Variants in OXTR observed in about 807,000 individuals in gnomAD.
The protein encoded by OXTR is oxytocin receptor.
In OXTR, 19 loss-of-function variants were observed where a neutral mutation model predicts 23.9. The observed-to-expected ratio is 0.80, with a 90% confidence interval of 0.56 to 1.17. The LOEUF (loss-of-function observed/expected upper bound fraction) is 1.17. Among genes scored for constraint, OXTR ranks in the 50% most tolerant of loss-of-function variants. The probability of loss-of-function intolerance (pLI) is 0.00; values close to 1 mark genes in which losing one functional copy is unlikely to be tolerated. For missense variants in OXTR, 500 were observed against 550.7 expected (o/e 0.91, Z 0.92); for synonymous variants, 278 against 250.5 (o/e 1.11, Z -1.04).
intron 3 of OXTR, among the ~76,000 whole-genome samples, chr3:8,761,165 G>A (rs11131149): frequency 0.44 from 67,167 of 152,102 alleles, 15,852 homozygotes; most frequent in African/African-American, 0.6. Context: ...AAAAAATCGT[G>A]CTCTAAACCA....
At chr3:8,764,495 G>A (rs939201967) in intron 3 of OXTR, among the ~76,000 whole-genome samples, 1 of 152,236 alleles carries the variant, frequency 6.6e-6, no homozygotes, top group Non-Finnish European at 1.5e-5. Context: ...CTCTTGAGTA[G>A]CTCAAGTGTG....
At position 8,752,736 on chromosome 3, in the gene OXTR, C is replaced by T. The variant is rs147212417; in HGVS notation, c.*241G>A. The stretch of plus-strand genomic sequence containing the variant: ...AAAACAAGCCACTCACTGCCCAGGG[C>T]AGCAGTGGGTTCAGGGTGGTAGAAG... On this transcript the variant is annotated 3_prime_UTR_variant, in exon 4 of 4. Coordinates refer to ENST00000316793, the MANE Select transcript of OXTR (RefSeq NM_000916.4). 7.9e-6 allele frequency: 4 copies of T among 505,144 alleles called. No homozygotes were observed. Among genetic ancestry groups the T allele is most frequent in the Non-Finnish European group, 1.0e-5 (3 of 286,508 alleles). The allele number at this position is 505,144 out of a possible 1,614,324, so 31.3% of individuals were successfully genotyped here.
chr3:8,761,341 G>GTGTT (rs1708481428), intron 3 of OXTR, among the ~76,000 whole-genome samples: 1 of 152,204 alleles, frequency 6.6e-6, no homozygotes, highest in East Asian at 1.9e-4. Context: ...GTGTGTGTGT[G>GTGTT]TAGGTGTTGC....
chr3:8,762,752 C>A (rs1484351395), intron 3 of OXTR, among the ~76,000 whole-genome samples: 1 of 152,248 alleles, frequency 6.6e-6, no homozygotes. Context: ...ACAGTTCAAA[C>A]CAGGCCTCCT....
At position 8,767,629 on chromosome 3, in the gene OXTR, A is replaced by C. The variant is rs776096405; in HGVS notation, c.559T>G (p.Cys187Gly). 1 of 1,613,090 alleles carries C rather than the reference A, an allele frequency of 6.2e-7. No individual in the cohort carries two copies. Among genetic ancestry groups the C allele is most frequent in the South Asian group, 1.1e-5 (1 of 91,056 alleles). ...CAGGGCTGGATGAAGACGGCCCAGC[A>C]GTCGAAGACGCCGTCAGCCACCTCG... The part of the protein sequence containing the change: ...LREVADGVFD[C>G]WAVFIQPWGP... The change falls in exon 3 of 4, where the codon TGC (cysteine) becomes GGC (glycine). Residue 187 changes from cysteine (C) to glycine (G), a missense_variant. By Grantham distance (159) the Cys-to-Gly change is radical (BLOSUM62 -3). Transcript: ENST00000316793.
In OXTR at chr3:8,768,156, G is replaced by C. The variant is rs1708680772; in HGVS notation, c.32C>G (p.Ala11Gly). The change falls in exon 3 of 4, where the codon GCC (alanine) becomes GGC (glycine). Residue 11 changes from alanine (A) to glycine (G), a missense_variant. By Grantham distance (60) the Ala-to-Gly change is moderately conservative. Coordinates refer to ENST00000316793, the MANE Select transcript of OXTR (RefSeq NM_000916.4). The surrounding 1 kb of genome is among the most constrained non-coding windows in gnomAD (Gnocchi z 5.4). Reference sequence around the variant, plus strand: ...CGCGGCGCTGGCGTTGGCTGCCTCGGCGCTCCAGTTGGCTGCGAGCGCGCC... The same window carrying C: ...CGCGGCGCTGGCGTTGGCTGCCTCGCCGCTCCAGTTGGCTGCGAGCGCGCC... MEGALAANWS[A>G]EAANASAAPP... 3.7e-6 allele frequency: 5 copies of C among 1,335,394 alleles called. 1 individual carries two copies. Among genetic ancestry groups the C allele is most frequent in the Non-Finnish European group, 4.8e-6 (5 of 1,051,818 alleles). 82.7% of individuals were successfully genotyped at this position (1,335,394 alleles called of 1,614,324 possible).
the OXTR span, chr3:8,744,859 GT>G: frequency 2.6e-5 from 4 of 152,752 alleles, no homozygotes; most frequent in Non-Finnish European, 5.8e-5. Context: ...CCTTGAGGGG[GT>G]TGAACGAGCG....
downstream of OXTR, among the ~76,000 whole-genome samples, chr3:8,748,588 A>T (rs1179528863): frequency 6.6e-6 from 1 of 152,164 alleles, no homozygotes; most frequent in East Asian, 1.9e-4. Flanking sequence ...GTATGGAAAC[A>T]AATGTTTATC....
chr3:8,763,686 C>T (rs1206933793), intron 3 of OXTR, among the ~76,000 whole-genome samples: 1 of 152,206 alleles, frequency 6.6e-6, no homozygotes, highest in Non-Finnish European at 1.5e-5. Flanking sequence ...CCAGTCTCAC[C>T]AGCCTCACCA....
rs1042778 is a variant in OXTR, at chr3:8,752,859, G to T, written c.*118C>A. The T allele has an allele frequency of 0.39, 436,758 of 1,124,216 alleles. 89,518 individuals carry two copies. The highest frequency in any genetic ancestry group is 0.64 in the African/African-American group (40,609 of 63,572). The allele number at this position is 1,124,216 out of a possible 1,614,324, so 69.6% of individuals were successfully genotyped here. On this transcript the variant is annotated 3_prime_UTR_variant, in exon 4 of 4. Transcript: ENST00000316793. ...ACCCCACTGAAGCCACCCCAAGGAG[G>T]GGAGGGATACAAACTGATAGGTACC...
At chr3:8,762,471 C>T (rs535293952) in intron 3 of OXTR, among the ~76,000 whole-genome samples, 3 of 152,224 alleles carry the variant, frequency 2.0e-5, no homozygotes, top group Non-Finnish European at 4.4e-5. Context: ...CTGAAGTTAA[C>T]TGTCCATCTA....
At chr3:8,760,444 G>T (rs1047901361) in intron 3 of OXTR, among the ~76,000 whole-genome samples, 5 of 152,248 alleles carry the variant, frequency 3.3e-5, no homozygotes, top group Admixed American at 3.3e-4. Flanking sequence ...GTTGACAGAT[G>T]AAAGCAGAGG....
At chr3:8,753,772 G>A (rs751849391) in intron 3 of OXTR, among the ~76,000 whole-genome samples, 63 of 152,036 alleles carry the variant, frequency 4.1e-4, no homozygotes, top group Non-Finnish European at 8.4e-4. Flanking sequence ...CACAGTGGGT[G>A]CCCAATAAAT....
rs77195885 is a variant in OXTR at position 8,754,210 on chromosome 3, A to G, written c.923-986T>C. On this transcript the variant is annotated intron_variant, in intron 3 of 3. Coordinates refer to ENST00000316793, the MANE Select transcript of OXTR (RefSeq NM_000916.4). ...AGGTGCAGGCAAAGTTAATGATCAG[A>G]AATCAGCTTCAAGACATTGCTTGTC... Among the ~76,000 whole-genome samples, 1,195 of 152,350 alleles carry G rather than the reference A, an allele frequency of 7.8e-3. 20 individuals are homozygous for G. Among genetic ancestry groups the G allele is most frequent in the African/African-American group, 0.027 (1,134 of 41,578 alleles).
At chr3:8,745,476 A>G, downstream of OXTR, 1 of 1,460,932 alleles carries the variant, frequency 6.8e-7, no homozygotes, top group Non-Finnish European at 9.6e-7. This position sits in a 1 kb window ranked among gnomAD's most constrained non-coding sequence, Gnocchi z 4.8. Flanking sequence ...CAAAAGCTTG[A>G]GAAGCGGGTG....
At chr3:8,754,510 ACT>A (rs988754349) in intron 3 of OXTR, among the ~76,000 whole-genome samples, 4 of 152,136 alleles carry the variant, frequency 2.6e-5, no homozygotes, top group Non-Finnish European at 5.9e-5. Context: ...TTGACAAATA[ACT>A]CTAGAGTTCA....
At chr3:8,758,626 G>C (rs1180314619) in intron 3 of OXTR, among the ~76,000 whole-genome samples, 2 of 152,180 alleles carry the variant, frequency 1.3e-5, no homozygotes, top group Admixed American at 1.3e-4. Context: ...TCTTAGAAAA[G>C]ACCATCGTTT....
chr3:8,762,005 A>T (rs1708496136), intron 3 of OXTR, among the ~76,000 whole-genome samples: 1 of 152,128 alleles, frequency 6.6e-6, no homozygotes, highest in Non-Finnish European at 1.5e-5. Context: ...AGCCCCTGGG[A>T]GGGAGCCCTG....
downstream of OXTR, among the ~76,000 whole-genome samples, chr3:8,748,439 C>T (rs1479678905): frequency 6.6e-6 from 1 of 152,176 alleles, no homozygotes; most frequent in Non-Finnish European, 1.5e-5. Flanking sequence ...GGGACCAGGG[C>T]CCCCTTCCAC....
Sources: allele counts gnomAD v4.1 joint callset (sites outside exome capture counted in the v4.1 genomes callset), GRCh38; gene constraint gnomAD v4.1.1; non-coding constraint Gnocchi (gnomAD v3.1); transcripts MANE v1.5; gene names NCBI Gene and HGNC (gene_info 2026-07-23, HGNC 2026-07-21).